DNAH10: variants seen among roughly 807,000 people sequenced by gnomAD.
DNAH10 encodes dynein axonemal heavy chain 10, also known as axonemal beta dynein heavy chain 10.
DNAH10 carries 348 observed loss-of-function variants against 506.6 expected under a neutral mutation model. That is an observed-to-expected ratio of 0.69 (90% CI 0.63 to 0.75). The LOEUF is 0.75. Among genes scored for constraint, DNAH10 ranks in the 30% least tolerant of loss-of-function variants. The probability of loss-of-function intolerance (pLI) is 0.00; values close to 1 mark genes in which losing one functional copy is unlikely to be tolerated. For synonymous variants in DNAH10, 2,059 were observed against 2,198.6 expected (o/e 0.94, Z 1.78); for missense variants, 5,179 against 5,787.1 (o/e 0.89, Z 3.41).
intron 40 of DNAH10, 89 bp downstream of exon 40, chr12:123,864,819 G>T (rs1193831385): frequency 6.9e-7 from 1 of 1,447,882 alleles, no homozygotes; most frequent in Non-Finnish European, 9.2e-7. Flanking sequence ...AAATGTAGAT[G>T]ATTATTTAAA....
At position 123,894,681 on chromosome 12, in the gene DNAH10, T is replaced by G; in HGVS notation, c.9238T>G (p.Trp3080Gly). Residue 3080 changes from tryptophan (W) to glycine (G), a missense_variant, in exon 54 of 79, where the codon TGG becomes GGG. Transcript: ENST00000673944. Reference sequence around the variant, plus strand: ...CACTGGTATTGACTGGTTCATGCCCTGGCCTCCCCAAGCCCTCCATGCGGT... The same window carrying G: ...CACTGGTATTGACTGGTTCATGCCCGGGCCTCCCCAAGCCCTCCATGCGGT... ...NNTGIDWFMP[W>G]PPQALHAVAK... 6.2e-7 allele frequency: 1 copy of G among 1,614,070 alleles called. No homozygotes were observed. The highest frequency in any genetic ancestry group is 8.5e-7 in the Non-Finnish European group (1 of 1,179,900).
intron 72 of DNAH10, chr12:123,930,025 C>T (rs952146047): frequency 1.8e-6 from 1 of 570,420 alleles, no homozygotes; most frequent in Non-Finnish European, 3.1e-6. Flanking sequence ...TTGCTGTATA[C>T]AGAGCTCACA....
At chr12:123,905,543 CAT>C (rs761375229) in intron 57 of DNAH10, among the ~76,000 whole-genome samples, 12 of 152,124 alleles carry the variant, frequency 7.9e-5, no homozygotes, top group Non-Finnish European at 1.3e-4. Context: ...GGCGCGATCA[CAT>C]GTTGGGATTT....
intron 52 of DNAH10, among the ~76,000 whole-genome samples, chr12:123,890,692 G>T (rs1952943283): frequency 6.6e-6 from 1 of 152,188 alleles, no homozygotes; most frequent in Non-Finnish European, 1.5e-5. Context: ...CTGCAGTGTA[G>T]GCAGGAAGTG....
chr12:123,898,057 C>G, intron 55 of DNAH10, 90 bp downstream of exon 55: 1 of 1,256,356 alleles, frequency 8.0e-7, no homozygotes, highest in Non-Finnish European at 1.1e-6. Flanking sequence ...TAAGATGGGG[C>G]ATCTTCAGTA....
rs1950926661 is a variant in DNAH10 at position 123,845,771 on chromosome 12, C to T, written c.5532C>T (p.Ile1844=). ...AGATCGATGAGTTGGTAACGCGCAT[C>T]ACCATGCCGCTAAGCAAAAACGACA... is the stretch of plus-strand genomic sequence containing the variant. ...HRQIDELVTR[I]TMPLSKNDRK... The change falls in exon 31 of 79, where the codon ATC becomes ATT. Residue 1844 remains isoleucine (I), a synonymous_variant. Coordinates refer to ENST00000673944, the MANE Select transcript of DNAH10 (RefSeq NM_001372106.1). 1.2e-6 allele frequency: 2 copies of T among 1,613,984 alleles called. No homozygotes were observed. Among genetic ancestry groups the T allele is most frequent in the Non-Finnish European group, 1.7e-6 (2 of 1,179,888 alleles).
chr12:123,927,655 T>C (rs1955006546), intron 69 of DNAH10: 1 of 152,466 alleles, frequency 6.6e-6, no homozygotes, highest in Admixed American at 6.5e-5. Flanking sequence ...TGTGCGTCAG[T>C]AAGTGTGATG....
intron 24 of DNAH10, among the ~76,000 whole-genome samples, chr12:123,823,038 G>A (rs965405481): frequency 6.6e-6 from 1 of 152,220 alleles, no homozygotes; most frequent in African/African-American, 2.4e-5. Flanking sequence ...CAAGATATGT[G>A]CTGGAAATGA....
chr12:123,869,638 C>T (rs188883323), intron 43 of DNAH10, among the ~76,000 whole-genome samples: 42 of 152,328 alleles, frequency 2.8e-4, no homozygotes, highest in Non-Finnish European at 5.6e-4. Context: ...TAGCTCCTGT[C>T]TCTGACTTTC....
rs542288654 is a variant in DNAH10, at chr12:123,871,539, A to G, written c.7722A>G (p.Glu2574=). The G allele has an allele frequency of 6.4e-7, 1 of 1,553,718 alleles. No homozygotes were observed. The highest frequency in any genetic ancestry group is 2.4e-5 in the East Asian group (1 of 41,264). ...AGCAACCTGTTATTTTTGTTGGTGA[A>G]TCTGGCACTTCTAAGACAGCCACTA... ...KIKQPVIFVG[E]SGTSKTATTQ... The change falls in exon 45 of 79, where the codon GAA becomes GAG. Residue 2574 remains glutamate (E), a synonymous_variant. Transcript: ENST00000673944.
Position 123,847,875 on chromosome 12 carries a change from C to G in DNAH10, c.5815-86C>G, listed in dbSNP as rs1158921323. ...ACCACATTCTTTCTCTATTCTGCAC[C>G]TATAGTCACAGTGATGAATTTGGAA... is the stretch of plus-strand genomic sequence containing the variant. On this transcript the variant is annotated intron_variant, in intron 32 of 78. Transcript: ENST00000673944. 2.3e-5 allele frequency: 35 copies of G among 1,511,576 alleles called. No homozygotes were observed. In the East Asian group the frequency reaches 2.5e-4, roughly 11 times the overall value. 93.6% of individuals were successfully genotyped at this position (1,511,576 alleles called of 1,614,324 possible). A position where few individuals can be genotyped will look rare whatever the true frequency, so the allele number is the denominator to read the frequency against.
In DNAH10 at chr12:123,887,170, A is replaced by T; in HGVS notation, c.8852A>T (p.Tyr2951Phe). 6.2e-7 allele frequency: 1 copy of T among 1,611,792 alleles called. No homozygotes were observed. Among genetic ancestry groups the T allele is most frequent in the Non-Finnish European group, 8.5e-7 (1 of 1,178,978 alleles). The part of the protein sequence containing the change: ...EVFEILLSRG[Y>F]SENSFREDLK... ...TTTGAGATCCTGCTGAGCCGAGGCT[A>T]CTCGGAGAACAGTTTCCGGGAAGAC... is the stretch of plus-strand genomic sequence containing the variant. The change falls in exon 52 of 79, where the codon TAC (tyrosine) becomes TTC (phenylalanine). Residue 2951 changes from tyrosine to phenylalanine, a missense_variant. Tyr to Phe is a conservative substitution (Grantham distance 22). Transcript: ENST00000673944.
At chr12:123,880,716 A>G (rs1018528080) in intron 50 of DNAH10, among the ~76,000 whole-genome samples, 2 of 151,332 alleles carry the variant, frequency 1.3e-5, no homozygotes, top group African/African-American at 4.9e-5. Flanking sequence ...TTTGTTACAT[A>G]CGTATACATG....
intron 55 of DNAH10, 116 bp downstream of exon 55, chr12:123,898,083 G>A: frequency 1.0e-6 from 1 of 980,802 alleles, no homozygotes; most frequent in South Asian, 2.0e-5. Context: ...GCCAAACGAA[G>A]CACATCTTGG....
chr12:123,803,696 A>G lies in DNAH10; in HGVS notation c.2650A>G (p.Ile884Val). Residue 884 changes from isoleucine (I) to valine (V), a missense_variant, in exon 17 of 79, where the codon ATT becomes GTT. Around this residue, in one of 3 missense-constraint regions of DNAH10, gnomAD observed 4,844 missense variants for 5,430.5 expected, o/e 0.89. Transcript: ENST00000673944. ...GDYITGCKQA[I>V]GKFESLVHQI... ...CTATATAACTGGTTGCAAACAGGCC[A>G]TTGGGAAATTTGAGTCTCTCGTCCA... is the stretch of plus-strand genomic sequence containing the variant. 6.2e-7 allele frequency: 1 copy of G among 1,608,332 alleles called. No individual in the cohort carries two copies. Among genetic ancestry groups the G allele is most frequent in the South Asian group, 1.1e-5 (1 of 89,996 alleles).
Position 123,903,173 on chromosome 12 carries a change from C to T in DNAH10, c.9815+60C>T. On this transcript the variant is annotated intron_variant, in intron 57 of 78. Coordinates refer to ENST00000673944, the MANE Select transcript of DNAH10 (RefSeq NM_001372106.1). The surrounding 1 kb of genome is among the most constrained non-coding windows in gnomAD (Gnocchi z 4.6). ...TCCACCTCTGCAAGCCAGTAGTCTC[C>T]ATGATCGTGGCAACCAGGAGCTTAC... 5.3e-6 allele frequency: 8 copies of T among 1,513,362 alleles called. No individual in the cohort carries two copies. The highest frequency in any genetic ancestry group is 6.2e-6 in the Non-Finnish European group (7 of 1,130,226). 93.7% of individuals were successfully genotyped at this position (1,513,362 alleles called of 1,614,324 possible).
In DNAH10 at chr12:123,916,752, A is replaced by G. The variant is rs529619559; in HGVS notation, c.11002+16A>G. The G allele has an allele frequency of 1.3e-6, 2 of 1,592,074 alleles. No homozygotes were observed. Among genetic ancestry groups the G allele is most frequent in the African/African-American group, 2.7e-5 (2 of 74,190 alleles). ...AATTACACTGGTAAGAATGTGTAGAACCTCCACTGCTAATTCAGATGGTTA... is the reference window on the plus strand; with the variant it reads ...AATTACACTGGTAAGAATGTGTAGAGCCTCCACTGCTAATTCAGATGGTTA... On this transcript the variant is annotated intron_variant, in intron 63 of 78. Coordinates refer to ENST00000673944, the MANE Select transcript of DNAH10 (RefSeq NM_001372106.1). The surrounding 1 kb of genome is among the most constrained non-coding windows in gnomAD (Gnocchi z 4.6).
intron 51 of DNAH10, among the ~76,000 whole-genome samples, chr12:123,883,244 G>A (rs555043901): frequency 7.9e-5 from 12 of 152,288 alleles, no homozygotes; most frequent in South Asian, 2.1e-4. Context: ...GTGGAATTGC[G>A]GGATCCTATG....
In DNAH10 at chr12:123,902,886, G is replaced by T; in HGVS notation, c.9641-53G>T. ...GCACTCTGCTCAGAGCCGGGGCCGCGAGTGCATCTCCTCTGAGCCCAAGCT... is the reference window on the plus strand; with the variant it reads ...GCACTCTGCTCAGAGCCGGGGCCGCTAGTGCATCTCCTCTGAGCCCAAGCT... On this transcript the variant is annotated intron_variant, in intron 56 of 78. Transcript: ENST00000673944. The surrounding 1 kb of genome is among the most constrained non-coding windows in gnomAD (Gnocchi z 4.5). 7.2e-6 allele frequency: 11 copies of T among 1,525,630 alleles called. No individual in the cohort carries two copies. Among genetic ancestry groups the T allele is most frequent in the Non-Finnish European group, 9.7e-6 (11 of 1,133,252 alleles). The allele number at this position is 1,525,630 out of a possible 1,614,324, so 94.5% of individuals were successfully genotyped here.
Sources: allele counts gnomAD v4.1 joint callset (sites outside exome capture counted in the v4.1 genomes callset), GRCh38; gene constraint gnomAD v4.1.1; regional missense constraint gnomAD v4.1.1; non-coding constraint Gnocchi (gnomAD v3.1); transcripts MANE v1.5; gene names NCBI Gene and HGNC (gene_info 2026-07-23, HGNC 2026-07-21).